The following ATP10B variants were observed in gnomAD, a reference collection of about 807,000 sequenced individuals.
ATP10B encodes phospholipid-transporting ATPase VB.
ATP10B carries 122 observed loss-of-function variants against 141.2 expected under a neutral mutation model. The observed-to-expected ratio is 0.86, with a 90% CI of 0.75 to 1.00. The LOEUF (loss-of-function observed/expected upper bound fraction) is 1.00. Among genes scored for constraint, ATP10B ranks in the 50% least tolerant of loss-of-function variants. The pLI is 0.00. For missense variants in ATP10B, 1,876 were observed against 1,825.3 expected (o/e 1.03, Z -0.51); for synonymous variants, 685 against 692.0 (o/e 0.99, Z 0.16).
Position 160,590,926 on chromosome 5 carries a change from G to A in ATP10B, c.3645+133C>T, listed in dbSNP as rs572980831. 5.8e-6 allele frequency: 4 copies of A among 685,156 alleles called. No homozygotes were observed. The African/African-American group carries it at 7.2e-5, about 12-fold the overall frequency. 42.4% of individuals were successfully genotyped at this position (685,156 alleles called of 1,614,324 possible). On this transcript the variant is annotated intron_variant, in intron 23 of 25. Transcript: ENST00000327245. The stretch of plus-strand genomic sequence containing the variant: ...ACTTTTCAAACACCTTGGGTTGGAT[G>A]TAACCTGCAGGCTACCTGTTTGAGC...
At chr5:160,826,914 C>T (rs577526318) in intron 1 of ATP10B, among the ~76,000 whole-genome samples, 63 of 152,130 alleles carry the variant, frequency 4.1e-4, no homozygotes, top group Non-Finnish European at 7.5e-4. Context: ...TCTCTGCTCT[C>T]AAACCCTGTT....
At chr5:160,776,826 T>C (rs1293006972) in intron 2 of ATP10B, among the ~76,000 whole-genome samples, 1 of 152,254 alleles carries the variant, frequency 6.6e-6, no homozygotes, top group Non-Finnish European at 1.5e-5. Flanking sequence ...TTTCTCTGTG[T>C]GTTTTTGACA....
Position 160,828,900 on chromosome 5 carries a change from A to T in ATP10B, c.-576+23041T>A, listed in dbSNP as rs10046036. Among the ~76,000 whole-genome samples the T allele has an allele frequency of 1.7e-4, 25 of 144,304 alleles. 1 individual carries two copies. Among genetic ancestry groups the T allele is most frequent in the Non-Finnish European group, 2.6e-4 (17 of 65,140 alleles). 94.7% of individuals were successfully genotyped at this position (144,304 alleles called of 152,430 possible). A position where few individuals can be genotyped will look rare whatever the true frequency, so the allele number is the denominator to read the frequency against. On this transcript the variant is annotated intron_variant, in intron 1 of 25. Transcript: ENST00000327245. ...CCATAAAAAATGATGAGTTCATGTC[A>T]TTTGTAGGGACATGGATGAAATTGG...
intron 10 of ATP10B, among the ~76,000 whole-genome samples, chr5:160,638,928 G>C (rs1211501252): frequency 6.6e-6 from 1 of 152,052 alleles, no homozygotes; most frequent in African/African-American, 2.4e-5. Flanking sequence ...CAACTTAAAG[G>C]GCTCCAGATC....
chr5:160,798,701 C>T lies in ATP10B; in HGVS notation c.-575-12898G>A, dbSNP rs1025799564. ...AAATGTGGTGATGTGTCATGGCAGC[C>T]CTAGGAAACTAATACATGGGTCAAG... On this transcript the variant is annotated intron_variant, in intron 1 of 25. Coordinates refer to ENST00000327245, the MANE Select transcript of ATP10B (RefSeq NM_025153.3). Among the ~76,000 whole-genome samples the T allele has an allele frequency of 5.0e-4, 76 of 151,836 alleles. 1 individual carries two copies. The highest frequency in any genetic ancestry group is 3.7e-4 in the Non-Finnish European group (25 of 67,994).
chr5:160,871,814 G>T, the ATP10B span, among the ~76,000 whole-genome samples: 1 of 152,076 alleles, frequency 6.6e-6, no homozygotes, highest in Non-Finnish European at 1.5e-5. Flanking sequence ...ATTGTGAATT[G>T]TGCTGTCATA....
intron 10 of ATP10B, among the ~76,000 whole-genome samples, chr5:160,640,060 T>C (rs539373795): frequency 7.2e-5 from 11 of 152,342 alleles, no homozygotes; most frequent in African/African-American, 2.6e-4. Flanking sequence ...GGTTTGAGAC[T>C]CCTGCCTTAA....
intron 24 of ATP10B, among the ~76,000 whole-genome samples, chr5:160,570,861 G>C (rs1158486285): frequency 1.3e-5 from 2 of 152,122 alleles, no homozygotes; most frequent in Middle Eastern, 3.2e-3. Flanking sequence ...TGGAATTCTT[G>C]TTAGGCAGCT....
chr5:160,667,929 A>C (rs1305121041), intron 7 of ATP10B, among the ~76,000 whole-genome samples: 1 of 152,130 alleles, frequency 6.6e-6, no homozygotes, highest in Non-Finnish European at 1.5e-5. Context: ...ACTTTAAAAA[A>C]AACAAAAACG....
At chr5:160,703,481 GT>G (rs34636305) in intron 3 of ATP10B, among the ~76,000 whole-genome samples, 2,783 of 147,706 alleles carry the variant, frequency 0.019, 78 homozygotes, top group African/African-American at 0.06. Flanking sequence ...GATGATATTT[GT>G]TTTTTTTTTT....
rs1239534616 is a variant in ATP10B, at chr5:160,634,177, T to C, written c.1381+177A>G. ...TTGTAAACAAATGAAAGTTTACAAG[T>C]AATTGGAACAGCCCTGATCTGTGAC... On this transcript the variant is annotated intron_variant, in intron 12 of 25. Transcript: ENST00000327245. 4 of 878,626 alleles carry C rather than the reference T, an allele frequency of 4.6e-6. No homozygotes were observed. In the Admixed American group the frequency reaches 5.2e-5, roughly 11 times the overall value. The allele number at this position is 878,626 out of a possible 1,614,324, so 54.4% of individuals were successfully genotyped here. A position where few individuals can be genotyped will look rare whatever the true frequency, so the allele number is the denominator to read the frequency against.
At chr5:160,821,183 A>G (rs1438294336) in intron 1 of ATP10B, among the ~76,000 whole-genome samples, 1 of 152,186 alleles carries the variant, frequency 6.6e-6, no homozygotes, top group African/African-American at 2.4e-5. Context: ...ATACAAAATC[A>G]ACATACAATA....
chr5:160,688,218 TC>T, intron 4 of ATP10B, 124 bp from the exon 5 acceptor site: 3 of 982,348 alleles, frequency 3.1e-6, no homozygotes, highest in Non-Finnish European at 4.4e-6. Context: ...TTGACCTACT[TC>T]CTTGTAACTA....
intron 1 of ATP10B, among the ~76,000 whole-genome samples, chr5:160,787,211 C>T (rs1000824388): frequency 6.6e-6 from 1 of 151,918 alleles, no homozygotes; most frequent in African/African-American, 2.4e-5. Context: ...TTTCAAGATT[C>T]ACATTAAAAA....
intron 3 of ATP10B, among the ~76,000 whole-genome samples, chr5:160,690,041 G>C (rs1037906361): frequency 1.3e-5 from 2 of 152,030 alleles, no homozygotes; most frequent in Non-Finnish European, 2.9e-5. Context: ...AGAGGACTCA[G>C]AAATAATGCC....
Position 160,565,083 on chromosome 5 carries a change from C to A in ATP10B, c.*370G>T. 4.9e-6 allele frequency: 1 copy of A among 205,612 alleles called. No homozygotes were observed. 12.7% of individuals were successfully genotyped at this position (205,612 alleles called of 1,614,324 possible). A position where few individuals can be genotyped will look rare whatever the true frequency, so the allele number is the denominator to read the frequency against. On this transcript the variant is annotated 3_prime_UTR_variant, in exon 26 of 26. Coordinates refer to ENST00000327245, the MANE Select transcript of ATP10B (RefSeq NM_025153.3). ...GAAACTTCCATATCCTGAGATATTG[C>A]CTGGGTTGATACACTTCTTGAATCT...
chr5:160,821,472 T>A (rs1368665340), intron 1 of ATP10B, among the ~76,000 whole-genome samples: 1 of 151,962 alleles, frequency 6.6e-6, no homozygotes, highest in African/African-American at 2.4e-5. Flanking sequence ...GGAACCCCTA[T>A]CAAAATAACA....
chr5:160,797,068 G>T (rs1437041242), intron 1 of ATP10B, among the ~76,000 whole-genome samples: 1 of 152,124 alleles, frequency 6.6e-6, no homozygotes, highest in Admixed American at 6.5e-5. Flanking sequence ...CCCCTGAGTT[G>T]TCAGGGGGTT....
chr5:160,914,523 A>G, the ATP10B span, among the ~76,000 whole-genome samples: 1 of 152,210 alleles, frequency 6.6e-6, no homozygotes, highest in South Asian at 2.1e-4. Flanking sequence ...TGCAAATGCT[A>G]TCTAAATAGT....
Sources: gnomAD v4.1 joint callset for allele counts (sites outside exome capture counted in the v4.1 genomes callset) on GRCh38, gnomAD v4.1.1 for gene constraint, MANE v1.5 for transcripts, NCBI Gene and HGNC (gene_info 2026-07-23, HGNC 2026-07-21) for gene names.